Variants in FBXL5 observed in about 807,000 individuals in gnomAD.
FBXL5 encodes F-box/LRR-repeat protein 5.
In FBXL5, 26 loss-of-function variants were observed where a neutral mutation model predicts 78.3. The ratio of observed to expected loss-of-function variants is 0.33; its 90% confidence interval spans 0.24 to 0.46. The LOEUF (loss-of-function observed/expected upper bound fraction) is 0.46. Among genes scored for constraint, FBXL5 ranks in the 20% least tolerant of loss-of-function variants. The pLI is 1.00. For missense variants in FBXL5, 710 were observed against 829.2 expected, an observed-to-expected ratio of 0.86 and a Z score of 1.77; for synonymous variants, 295 against 282.5, an observed-to-expected ratio of 1.04 and a Z score of -0.45.
intron 9 of FBXL5, among the ~76,000 whole-genome samples, chr4:15,617,822 G>C (rs1023963259): frequency 6.6e-6 from 1 of 152,174 alleles, no homozygotes; most frequent in Non-Finnish European, 1.5e-5. Context: ...CGGTGGGTGG[G>C]AGTAAGGAGA....
intron 1 of FBXL5, among the ~76,000 whole-genome samples, chr4:15,667,338 T>C (rs1413219727): frequency 1.3e-5 from 2 of 152,208 alleles, no homozygotes; most frequent in Admixed American, 6.5e-5. Context: ...AAGTTTTAAC[T>C]CATATTAAAC....
Position 15,632,935 on chromosome 4 carries a change from A to T in FBXL5, c.767-2144T>A, listed in dbSNP as rs189091527. Among the ~76,000 whole-genome samples, 1,268 of 152,294 alleles carry T rather than the reference A, an allele frequency of 8.3e-3. 15 individuals carry two copies. Among genetic ancestry groups the T allele is most frequent in the African/African-American group, 0.029 (1,215 of 41,556 alleles). ...CTGATTGCCCTGGCCAGAACTTCCA[A>T]CACTAAGTTGAATAGGAGTGGTGAG... On this transcript the variant is annotated intron_variant, in intron 5 of 10. Transcript: ENST00000341285.
chr4:15,677,692 TC>T (rs1354594241), intron 1 of FBXL5, among the ~76,000 whole-genome samples: 1 of 152,218 alleles, frequency 6.6e-6, no homozygotes, highest in East Asian at 1.9e-4. Flanking sequence ...CTCCATACCT[TC>T]CCCTATGTGT....
At chr4:15,644,420 G>T in intron 2 of FBXL5, 73 bp downstream of exon 2, 2 of 1,190,714 alleles carry the variant, frequency 1.7e-6, no homozygotes, top group Non-Finnish European at 1.2e-6. Flanking sequence ...ATAAAACAGT[G>T]ACAAGTTTTG....
chr4:15,622,206 G>A (rs1022652305), intron 9 of FBXL5, among the ~76,000 whole-genome samples: 1 of 152,074 alleles, frequency 6.6e-6, no homozygotes, highest in Non-Finnish European at 1.5e-5. Context: ...TAAACATAAT[G>A]ACTAAAGCAG....
intron 9 of FBXL5, among the ~76,000 whole-genome samples, chr4:15,614,111 C>A (rs1332384874): frequency 1.3e-5 from 2 of 152,214 alleles, no homozygotes; most frequent in Non-Finnish European, 2.9e-5. Flanking sequence ...TATTCAGATT[C>A]TCTTGTCCCA....
chr4:15,655,294 T>G lies in FBXL5; in HGVS notation c.-7A>C. 5 of 1,406,362 alleles carry G rather than the reference T, an allele frequency of 3.6e-6. 1 individual carries two copies. In the South Asian group the frequency reaches 6.7e-5, roughly 19 times the overall value. 87.1% of individuals were successfully genotyped at this position (1,406,362 alleles called of 1,614,324 possible). On this transcript the variant is annotated 5_prime_UTR_variant, in exon 1 of 11. Coordinates refer to ENST00000341285, the MANE Select transcript of FBXL5 (RefSeq NM_012161.4). ...CTTCAGGAAAGGGCGCCATCGCCAC[T>G]GCCTCAGCCTCCGCCTCAGCAGCCG...
chr4:15,625,349 T>C lies in FBXL5; in HGVS notation c.1753A>G (p.Ile585Val). The C allele has an allele frequency of 1.2e-6, 2 of 1,614,194 alleles. No individual in the cohort carries two copies. The highest frequency in any genetic ancestry group is 1.1e-5 in the South Asian group (1 of 91,082). The change falls in exon 9 of 11, where the codon ATT becomes GTT. Residue 585 changes from isoleucine (I) to valine (V), a missense_variant. This residue lies in a region of FBXL5 where 517 missense variants were observed against 542.9 expected (regional missense o/e 0.95). Coordinates refer to ENST00000341285, the MANE Select transcript of FBXL5 (RefSeq NM_012161.4). ...RTRLPRGKDLIYFGSEKSDQE... is the reference protein window; with the variant it reads ...RTRLPRGKDLVYFGSEKSDQE... The stretch of plus-strand genomic sequence containing the variant: ...TCAGATTTTTCACTCCCAAAGTAAA[T>C]TAAGTCTTTTCCCCTAGGCAATCTA...
intron 1 of FBXL5, among the ~76,000 whole-genome samples, chr4:15,650,717 G>A (rs369526884): frequency 7.3e-6 from 1 of 137,794 alleles, no homozygotes; most frequent in Admixed American, 8.0e-5. Context: ...GCCCAGGCTG[G>A]AGTGCAATCG....
upstream of FBXL5, among the ~76,000 whole-genome samples, chr4:15,662,118 C>T (rs919721662): frequency 6.6e-6 from 1 of 152,202 alleles, no homozygotes; most frequent in Non-Finnish European, 1.5e-5. Flanking sequence ...ACTGGTCATA[C>T]AGAACAACCC....
rs1403607033 is a variant in FBXL5, at chr4:15,625,172, T to C, written c.1850+80A>G. On this transcript the variant is annotated intron_variant, in intron 9 of 10. Coordinates refer to ENST00000341285, the MANE Select transcript of FBXL5 (RefSeq NM_012161.4). Reference sequence around the variant, plus strand: ...TGCTAAGTAAATCAACTGAAAAGAATGACTTAGATCAAAATTTTTATATTC... The same window carrying C: ...TGCTAAGTAAATCAACTGAAAAGAACGACTTAGATCAAAATTTTTATATTC... The C allele has an allele frequency of 4.1e-6, 6 of 1,454,546 alleles. No homozygotes were observed. In the East Asian group the frequency reaches 1.4e-4, roughly 33 times the overall value. The allele number at this position is 1,454,546 out of a possible 1,614,324, so 90.1% of individuals were successfully genotyped here. A position where few individuals can be genotyped will look rare whatever the true frequency, so the allele number is the denominator to read the frequency against.
Position 15,625,839 on chromosome 4 carries a change from T to A in FBXL5, c.1263A>T (p.Thr421=), listed in dbSNP as rs149500692. The stretch of plus-strand genomic sequence containing the variant: ...CAGTTGAAGTAATTTTGCTTGTAGA[T>A]GTTTTCAAAAAGCCACTTTGATGAG... The part of the protein sequence containing the change: ...LTSHQSGFLK[T]STSKITSTAW... The change falls in exon 9 of 11, where the codon ACA becomes ACT. Residue 421 remains threonine (T), a synonymous_variant. Coordinates refer to ENST00000341285, the MANE Select transcript of FBXL5 (RefSeq NM_012161.4). 1 of 1,614,176 alleles carries A rather than the reference T, an allele frequency of 6.2e-7. No individual in the cohort carries two copies. The highest frequency in any genetic ancestry group is 8.5e-7 in the Non-Finnish European group (1 of 1,180,022).
At chr4:15,639,482 T>C (rs1381484079) in intron 3 of FBXL5, among the ~76,000 whole-genome samples, 1 of 152,240 alleles carries the variant, frequency 6.6e-6, no homozygotes, top group East Asian at 1.9e-4. Flanking sequence ...CAAATCATTA[T>C]TTTAGAACAG....
intron 1 of FBXL5, among the ~76,000 whole-genome samples, chr4:15,652,096 C>G (rs1278213162): frequency 6.6e-6 from 1 of 152,134 alleles, no homozygotes; most frequent in Non-Finnish European, 1.5e-5. Context: ...ACGGTAGAAA[C>G]TCCAATGCTC....
At chr4:15,624,793 G>A (rs1712852637) in intron 9 of FBXL5, among the ~76,000 whole-genome samples, 1 of 152,066 alleles carries the variant, frequency 6.6e-6, no homozygotes, top group African/African-American at 2.4e-5. Flanking sequence ...CTCAGCTTTG[G>A]CTTTTGTAAA....
At chr4:15,668,474 CT>C (rs1469903344) in intron 1 of FBXL5, among the ~76,000 whole-genome samples, 1 of 150,090 alleles carries the variant, frequency 6.7e-6, no homozygotes, top group African/African-American at 2.5e-5. Flanking sequence ...TTTTTTTGTA[CT>C]TGGTTTTTGT....
chr4:15,624,789 T>A (rs994565729), intron 9 of FBXL5, among the ~76,000 whole-genome samples: 9 of 152,200 alleles, frequency 5.9e-5, no homozygotes, highest in Non-Finnish European at 1.2e-4. Flanking sequence ...CTAGCTCAGC[T>A]TTGGCTTTTG....
At chr4:15,631,597 A>T (rs1206794810) in intron 5 of FBXL5, among the ~76,000 whole-genome samples, 2 of 152,084 alleles carry the variant, frequency 1.3e-5, no homozygotes, top group Non-Finnish European at 2.9e-5. Context: ...CTGACTTTTT[A>T]ATGATCGCCA....
In FBXL5 at chr4:15,654,594, G is replaced by C. The variant is rs889403175; in HGVS notation, c.84+610C>G. ...GGAAAACGATAACGACACATGAAGA[G>C]TGAAGGTTCTTCAGTTCTAAACTTG... On this transcript the variant is annotated intron_variant, in intron 1 of 10. Transcript: ENST00000341285. 2.0e-5 allele frequency among the ~76,000 whole-genome samples: 3 copies of C among 152,362 alleles called. 1 individual carries two copies. The highest frequency in any genetic ancestry group is 4.4e-5 in the Non-Finnish European group (3 of 68,040).
Sources: allele counts gnomAD v4.1 joint callset (sites outside exome capture counted in the v4.1 genomes callset), GRCh38; gene constraint gnomAD v4.1.1; regional missense constraint gnomAD v4.1.1; transcripts MANE v1.5; gene names NCBI Gene and HGNC (gene_info 2026-07-23, HGNC 2026-07-21).